ZNHIT6: variants seen among roughly 807,000 people sequenced by gnomAD.
ZNHIT6 encodes box C/D snoRNA protein 1.
A neutral mutation model predicts 57.2 loss-of-function variants in ZNHIT6; 45 were observed. That is an observed-to-expected ratio of 0.79 (90% confidence interval 0.62 to 1.01). The LOEUF (loss-of-function observed/expected upper bound fraction) is 1.01. ZNHIT6 is among the 50% of genes least tolerant of loss of function. The probability of loss-of-function intolerance (pLI) is 0.00; values close to 1 mark genes in which losing one functional copy is unlikely to be tolerated. For synonymous variants in ZNHIT6, 188 were observed against 190.0 expected (o/e 0.99, Z 0.09); for missense variants, 528 against 567.3 (o/e 0.93, Z 0.70).
chr1:85,680,935 A>AG (rs1438140328), intron 5 of ZNHIT6, 31 bp from the exon 6 acceptor site: 1 of 1,544,632 alleles, frequency 6.5e-7, no homozygotes, highest in Non-Finnish European at 8.9e-7. Flanking sequence ...GTGAGAATCA[A>AG]GGTAGATAAT....
intron 1 of ZNHIT6, 71 bp from the exon 2 acceptor site, chr1:85,706,578 A>C (rs1557879784): frequency 7.5e-7 from 1 of 1,336,084 alleles, no homozygotes. Context: ...TAGAATTCCC[A>C]ATCAATTTAT....
chr1:85,674,562 A>G (rs1225253926), intron 8 of ZNHIT6, among the ~76,000 whole-genome samples: 1 of 152,218 alleles, frequency 6.6e-6, no homozygotes, highest in African/African-American at 2.4e-5. Context: ...TTTGTTTAGT[A>G]AAATCCTAAA....
At chr1:85,683,797 T>G (rs1403268406) in intron 5 of ZNHIT6, among the ~76,000 whole-genome samples, 1 of 152,142 alleles carries the variant, frequency 6.6e-6, no homozygotes, top group Non-Finnish European at 1.5e-5. Context: ...GAGCAGGGTT[T>G]CTCAATCTCA....
intron 8 of ZNHIT6, among the ~76,000 whole-genome samples, chr1:85,675,735 T>C (rs1251172037): frequency 6.6e-6 from 1 of 152,226 alleles, no homozygotes; most frequent in Non-Finnish European, 1.5e-5. Flanking sequence ...AAAATCTGTT[T>C]AGTGTAGCCA....
At chr1:85,679,713 T>C (rs943797052) in intron 6 of ZNHIT6, among the ~76,000 whole-genome samples, 3 of 151,974 alleles carry the variant, frequency 2.0e-5, no homozygotes, top group African/African-American at 7.2e-5. Context: ...GCTTCCCAAG[T>C]AGCTGTGATT....
In ZNHIT6 at chr1:85,667,961, A is replaced by AAAAAAAAATAT; in HGVS notation, c.1247+9274_1247+9275insATATTTTTTTT. On this transcript the variant is annotated intron_variant, in intron 8 of 9. Transcript: ENST00000370574. The stretch of plus-strand genomic sequence containing the variant: ...ACTCTCTCTTTCAAAAAAAAAAAAA[A>AAAAAAAAATAT]ATATATATATATATATATATATATG... Among the ~76,000 whole-genome samples the AAAAAAAAATAT allele has an allele frequency of 2.7e-4, 5 of 18,202 alleles. 1 individual carries two copies. The highest frequency in any genetic ancestry group is 4.9e-3 in the South Asian group (2 of 412). The allele number at this position is 18,202 out of a possible 152,430, so 11.9% of individuals were successfully genotyped here.
At chr1:85,674,103 C>T (rs951901225) in intron 8 of ZNHIT6, among the ~76,000 whole-genome samples, 12 of 152,272 alleles carry the variant, frequency 7.9e-5, no homozygotes, top group Admixed American at 2.6e-4. Context: ...CATCACTACT[C>T]AAGGCTAAAC....
intron 5 of ZNHIT6, among the ~76,000 whole-genome samples, chr1:85,688,200 T>A (rs1006239351): frequency 6.6e-6 from 1 of 152,224 alleles, no homozygotes; most frequent in Non-Finnish European, 1.5e-5. Flanking sequence ...ACTCCTTTAA[T>A]CCTTATAATT....
At chr1:85,706,576 CCAAT>C (rs769181141) in intron 1 of ZNHIT6, 69 bp from the exon 2 acceptor site, 128 of 1,334,012 alleles carry the variant, frequency 9.6e-5, no homozygotes, top group Middle Eastern at 4.9e-4. Flanking sequence ...CTTAGAATTC[CCAAT>C]CAATTTATAA....
intron 8 of ZNHIT6, among the ~76,000 whole-genome samples, chr1:85,660,708 T>A (rs1661199999): frequency 6.6e-6 from 1 of 152,156 alleles, no homozygotes; most frequent in Non-Finnish European, 1.5e-5. Context: ...CTGTAATGAT[T>A]ACACTTACTT....
chr1:85,678,627 AGT>A, intron 7 of ZNHIT6, 72 bp downstream of exon 7: 2 of 967,962 alleles, frequency 2.1e-6, no homozygotes, highest in Non-Finnish European at 3.2e-6. Context: ...ACATTCTAAT[AGT>A]CATGGATGAC....
chr1:85,696,993 T>C (rs1662390841), intron 5 of ZNHIT6, among the ~76,000 whole-genome samples: 1 of 151,392 alleles, frequency 6.6e-6, no homozygotes, highest in Non-Finnish European at 1.5e-5. Context: ...CCCGAGTAGC[T>C]GGGACTACAG....
chr1:85,689,292 A>G (rs1662149018), intron 5 of ZNHIT6, among the ~76,000 whole-genome samples: 1 of 152,230 alleles, frequency 6.6e-6, no homozygotes, highest in Admixed American at 6.5e-5. Context: ...TTTAAAATGT[A>G]TTCCAAGGTG....
intron 5 of ZNHIT6, among the ~76,000 whole-genome samples, chr1:85,686,055 G>A (rs559929183): frequency 8.7e-4 from 132 of 151,540 alleles, no homozygotes; most frequent in African/African-American, 3.1e-3. Flanking sequence ...TCCACCTCCT[G>A]GGTTCACACC....
chr1:85,687,986 T>G (rs1662112087), intron 5 of ZNHIT6, among the ~76,000 whole-genome samples: 1 of 149,116 alleles, frequency 6.7e-6, no homozygotes, highest in Non-Finnish European at 1.5e-5. Context: ...GAGGTTGCAG[T>G]GAGCCGAGAT....
chr1:85,684,398 C>T (rs1272146258), intron 5 of ZNHIT6, among the ~76,000 whole-genome samples: 1 of 152,166 alleles, frequency 6.6e-6, no homozygotes, highest in Admixed American at 6.5e-5. Context: ...GGCAGCATGG[C>T]CCCAAAGAGG....
At chr1:85,654,126 C>T (rs1475838060) in intron 9 of ZNHIT6, 28 bp from the exon 10 acceptor site, 1 of 1,598,478 alleles carries the variant, frequency 6.3e-7, no homozygotes, top group Non-Finnish European at 8.5e-7. Flanking sequence ...AACATACAGT[C>T]AAGTGTTTAT....
intron 4 of ZNHIT6, among the ~76,000 whole-genome samples, chr1:85,703,644 A>C (rs1056900529): frequency 2.0e-5 from 3 of 152,216 alleles, no homozygotes; most frequent in Non-Finnish European, 4.4e-5. Context: ...TTCCAGTTAA[A>C]GACATAAGTG....
At chr1:85,685,093 G>A (rs1409837764) in intron 5 of ZNHIT6, among the ~76,000 whole-genome samples, 1 of 152,106 alleles carries the variant, frequency 6.6e-6, no homozygotes, top group Non-Finnish European at 1.5e-5. Context: ...ATATAAATTG[G>A]TGCAAGCTAC....
Sources: gnomAD v4.1 joint callset for allele counts (sites outside exome capture counted in the v4.1 genomes callset) on GRCh38, gnomAD v4.1.1 for gene constraint, MANE v1.5 for transcripts, NCBI Gene and HGNC (gene_info 2026-07-23, HGNC 2026-07-21) for gene names.